GALR2: variants seen among roughly 807,000 people sequenced by gnomAD.
GALR2 encodes galanin receptor 2.
In GALR2, 5 loss-of-function variants were observed where a neutral mutation model predicts 7.2. The ratio of observed to expected loss-of-function variants is 0.69; its 90% CI spans 0.36 to 1.45. The LOEUF (loss-of-function observed/expected upper bound fraction) is 1.45, where lower values mean the gene tolerates loss of function less well. GALR2 is among the 40% of genes most tolerant of loss of function. GALR2 has a pLI of 0.03. For synonymous variants in GALR2, 300 were observed against 263.9 expected (o/e 1.14, Z -1.32); for missense variants, 561 against 555.7 (o/e 1.01, Z -0.10).
upstream of GALR2, among the ~76,000 whole-genome samples, chr17:76,074,351 G>C (rs904772786): frequency 7.9e-5 from 12 of 152,166 alleles, no homozygotes; most frequent in African/African-American, 2.9e-4. This position sits in a 1 kb window ranked among gnomAD's most constrained non-coding sequence, Gnocchi z 6.7. Context: ...TCCTCCCCCC[G>C]ATCTCCCAGG....
rs1221925705 is a variant in GALR2 at position 76,075,974 on chromosome 17, G to GACT, written c.369-661_369-659dup. On this transcript the variant is annotated intron_variant, in intron 1 of 1. Coordinates refer to ENST00000329003, the MANE Select transcript of GALR2 (RefSeq NM_003857.4). This position sits in a 1 kb window ranked among gnomAD's most constrained non-coding sequence, Gnocchi z 5.9. ...GAGACGCACATTCGGGAGAGCGCGG[G>GACT]ACTCAGGTGGAGCTTGAAAGGACAC... Among the ~76,000 whole-genome samples, 4 of 152,324 alleles carry GACT rather than the reference G, an allele frequency of 2.6e-5. No individual in the cohort carries two copies. The highest frequency in any genetic ancestry group is 9.6e-5 in the African/African-American group (4 of 41,588).
In GALR2 at chr17:76,074,869, G is replaced by T; in HGVS notation, c.-15G>T. 2 of 1,492,580 alleles carry T rather than the reference G, an allele frequency of 1.3e-6. No homozygotes were observed. The highest frequency in any genetic ancestry group is 5.0e-5 in the East Asian group (2 of 40,144). 92.5% of individuals were successfully genotyped at this position (1,492,580 alleles called of 1,614,324 possible). ...CGGCTGCAGGAGCCCGGGCAGCCTC[G>T]GGGTCAGCGGCACCATGAACGTCTC... On this transcript the variant is annotated 5_prime_UTR_variant, in exon 1 of 2. Coordinates refer to ENST00000329003, the MANE Select transcript of GALR2 (RefSeq NM_003857.4). This position sits in a 1 kb window ranked among gnomAD's most constrained non-coding sequence, Gnocchi z 6.7.
At chr17:76,074,473 C>T (rs1031628490), upstream of GALR2, among the ~76,000 whole-genome samples, 2 of 152,236 alleles carry the variant, frequency 1.3e-5, no homozygotes, top group African/African-American at 4.8e-5. This position sits in a 1 kb window ranked among gnomAD's most constrained non-coding sequence, Gnocchi z 6.7. Context: ...GTGCTCCCTG[C>T]GGCGCGGCGC....
At chr17:76,072,162 T>G, upstream of GALR2, 4 of 1,440,506 alleles carry the variant, frequency 2.8e-6, no homozygotes, top group Non-Finnish European at 3.7e-6. This position sits in a 1 kb window ranked among gnomAD's most constrained non-coding sequence, Gnocchi z 4.5. Context: ...CCCCCGGAAT[T>G]CTGAGCACCA....
chr17:76,072,613 G>T, upstream of GALR2: 2 of 1,458,316 alleles, frequency 1.4e-6, no homozygotes, highest in Non-Finnish European at 1.8e-6. The surrounding 1 kb of genome is among the most constrained non-coding windows in gnomAD (Gnocchi z 4.5). Context: ...GTCGGCCCTT[G>T]CTGCAGCAGG....
chr17:76,077,465 G>C lies in GALR2; in HGVS notation c.*34G>C, dbSNP rs2066897865. ...AGCGGGCGCGCTGGGATGTCACAGA[G>C]TTGGAGTCATTGTTGGGGGACCGTG... is the stretch of plus-strand genomic sequence containing the variant. On this transcript the variant is annotated 3_prime_UTR_variant, in exon 2 of 2. Coordinates refer to ENST00000329003, the MANE Select transcript of GALR2 (RefSeq NM_003857.4). 8 of 1,434,378 alleles carry C rather than the reference G, an allele frequency of 5.6e-6. No individual in the cohort carries two copies. Among genetic ancestry groups the C allele is most frequent in the Non-Finnish European group, 7.3e-6 (8 of 1,096,982 alleles). The allele number at this position is 1,434,378 out of a possible 1,614,324, so 88.9% of individuals were successfully genotyped here. A position where few individuals can be genotyped will look rare whatever the true frequency, so the allele number is the denominator to read the frequency against.
chr17:76,075,231 G>T lies in GALR2; in HGVS notation c.348G>T (p.Leu116=), dbSNP rs750648346. ...CCATGCACGCCAGCAGCTTCACGCT[G>T]GCCGCCGTCTCCCTGGACAGGTGAG... ...FLTMHASSFT[L]AAVSLDRYLA... Residue 116 remains leucine, a synonymous_variant, in exon 1 of 2, where the codon CTG becomes CTT. Coordinates refer to ENST00000329003, the MANE Select transcript of GALR2 (RefSeq NM_003857.4). The surrounding 1 kb of genome is among the most constrained non-coding windows in gnomAD (Gnocchi z 5.9). The T allele has an allele frequency of 3.7e-5, 60 of 1,604,596 alleles. No individual in the cohort carries two copies. Among genetic ancestry groups the T allele is most frequent in the Middle Eastern group, 3.6e-4 (2 of 5,532 alleles).
In GALR2 at chr17:76,076,551, C is replaced by T. The variant is rs551516182; in HGVS notation, c.369-85C>T. ...CGCTAAGGACCTTCCTCGAGAGCAG[C>T]CTTGGGACCGAGGTGCAGGGGTCGC... On this transcript the variant is annotated intron_variant, in intron 1 of 1. Coordinates refer to ENST00000329003, the MANE Select transcript of GALR2 (RefSeq NM_003857.4). The surrounding 1 kb of genome is among the most constrained non-coding windows in gnomAD (Gnocchi z 6.5). The T allele has an allele frequency of 1.1e-4, 97 of 860,172 alleles. No individual in the cohort carries two copies. In the African/African-American group the frequency reaches 1.6e-3, roughly 14 times the overall value. The allele number at this position is 860,172 out of a possible 1,614,324, so 53.3% of individuals were successfully genotyped here. A position where few individuals can be genotyped will look rare whatever the true frequency, so the allele number is the denominator to read the frequency against.
upstream of GALR2, chr17:76,072,770 G>T: frequency 1.8e-6 from 1 of 566,498 alleles, no homozygotes; most frequent in Non-Finnish European, 3.0e-6. This position sits in a 1 kb window ranked among gnomAD's most constrained non-coding sequence, Gnocchi z 4.5. Context: ...CACTAAGGGC[G>T]GAGAACCGGA....
rs970349635 is a variant in GALR2, at chr17:76,075,306, C to G, written c.368+55C>G. On this transcript the variant is annotated intron_variant, in intron 1 of 1. Transcript: ENST00000329003. This position sits in a 1 kb window ranked among gnomAD's most constrained non-coding sequence, Gnocchi z 5.9. ...ATGGGCATCCACGCGGGGGATGGAGCGGGAGGCGGGACTGGGGACCAAGAA... is the reference window on the plus strand; with the variant it reads ...ATGGGCATCCACGCGGGGGATGGAGGGGGAGGCGGGACTGGGGACCAAGAA... 5.2e-6 allele frequency: 8 copies of G among 1,549,700 alleles called. No homozygotes were observed. Among genetic ancestry groups the G allele is most frequent in the African/African-American group, 4.0e-5 (3 of 74,096 alleles).
upstream of GALR2, chr17:76,072,797 T>C: frequency 1.9e-6 from 1 of 535,508 alleles, no homozygotes. The surrounding 1 kb of genome is among the most constrained non-coding windows in gnomAD (Gnocchi z 4.5). Flanking sequence ...CCCCAGGTCC[T>C]GCATCCTGGA....
Position 76,076,561 on chromosome 17 carries a change from G to C in GALR2, c.369-75G>C. 1 of 943,386 alleles carries C rather than the reference G, an allele frequency of 1.1e-6. No individual in the cohort carries two copies. The highest frequency in any genetic ancestry group is 1.6e-6 in the Non-Finnish European group (1 of 627,226). The allele number at this position is 943,386 out of a possible 1,614,324, so 58.4% of individuals were successfully genotyped here. On this transcript the variant is annotated intron_variant, in intron 1 of 1. Transcript: ENST00000329003. This position sits in a 1 kb window ranked among gnomAD's most constrained non-coding sequence, Gnocchi z 6.5. ...CTTCCTCGAGAGCAGCCTTGGGACC[G>C]AGGTGCAGGGGTCGCGGCCCTCCAG...
upstream of GALR2, among the ~76,000 whole-genome samples, chr17:76,074,243 G>C (rs1265661193): frequency 6.6e-6 from 1 of 152,228 alleles, no homozygotes. The surrounding 1 kb of genome is among the most constrained non-coding windows in gnomAD (Gnocchi z 6.7). Flanking sequence ...TTGAACCCGG[G>C]AGACGGAGGT....
upstream of GALR2, chr17:76,072,667 C>A (rs1441035064): frequency 2.0e-5 from 26 of 1,308,138 alleles, no homozygotes; most frequent in Non-Finnish European, 2.1e-5. This position sits in a 1 kb window ranked among gnomAD's most constrained non-coding sequence, Gnocchi z 4.5. Context: ...TCCTGTCATC[C>A]CGGGTCCGGA....
At position 76,077,476 on chromosome 17, in the gene GALR2, T is replaced by C. The variant is rs1451657242; in HGVS notation, c.*45T>C. 2.8e-6 allele frequency: 4 copies of C among 1,409,600 alleles called. No homozygotes were observed. Among genetic ancestry groups the C allele is most frequent in the Non-Finnish European group, 2.8e-6 (3 of 1,074,884 alleles). 87.3% of individuals were successfully genotyped at this position (1,409,600 alleles called of 1,614,324 possible). A position where few individuals can be genotyped will look rare whatever the true frequency, so the allele number is the denominator to read the frequency against. On this transcript the variant is annotated 3_prime_UTR_variant, in exon 2 of 2. Transcript: ENST00000329003. ...TGGGATGTCACAGAGTTGGAGTCAT[T>C]GTTGGGGGACCGTGGGGAGAGCTTT... is the stretch of plus-strand genomic sequence containing the variant.
Position 76,074,937 on chromosome 17 carries a change from G to A in GALR2, c.54G>A (p.Gly18=). Residue 18 remains glycine (G), a synonymous_variant, in exon 1 of 2, where the codon GGG becomes GGA. Coordinates refer to ENST00000329003, the MANE Select transcript of GALR2 (RefSeq NM_003857.4). This position sits in a 1 kb window ranked among gnomAD's most constrained non-coding sequence, Gnocchi z 6.7. ...GAGNASQAGG[G]GGWHPEAVIV... is the part of the protein sequence containing the mutation. ...GGAACGCGAGCCAGGCGGGCGGCGG[G>A]GGAGGCTGGCACCCCGAGGCGGTCA... 5 of 1,563,580 alleles carry A rather than the reference G, an allele frequency of 3.2e-6. No individual in the cohort carries two copies. The highest frequency in any genetic ancestry group is 4.3e-6 in the Non-Finnish European group (5 of 1,162,276).
At chr17:76,072,579 G>C, upstream of GALR2, 1 of 1,494,748 alleles carries the variant, frequency 6.7e-7, no homozygotes, top group African/African-American at 1.5e-5. The surrounding 1 kb of genome is among the most constrained non-coding windows in gnomAD (Gnocchi z 4.5). Context: ...CCGGGCTGAT[G>C]GGATAGCGGC....
chr17:76,072,456 G>T (rs1368687022), upstream of GALR2: 1 of 1,581,660 alleles, frequency 6.3e-7, no homozygotes, highest in Non-Finnish European at 8.5e-7. This position sits in a 1 kb window ranked among gnomAD's most constrained non-coding sequence, Gnocchi z 4.5. Flanking sequence ...TGCCGCCGCC[G>T]CCGCCGCCGC....
In GALR2 at chr17:76,075,370, G is replaced by A; in HGVS notation, c.368+119G>A. Reference sequence around the variant, plus strand: ...TGGGACAGGACACTAAGAAGGCAGTGGAAGACAAGCGGGCGCGGAGGAGGA... The same window carrying A: ...TGGGACAGGACACTAAGAAGGCAGTAGAAGACAAGCGGGCGCGGAGGAGGA... On this transcript the variant is annotated intron_variant, in intron 1 of 1. Coordinates refer to ENST00000329003, the MANE Select transcript of GALR2 (RefSeq NM_003857.4). This position sits in a 1 kb window ranked among gnomAD's most constrained non-coding sequence, Gnocchi z 5.9. 1 of 1,123,428 alleles carries A rather than the reference G, an allele frequency of 8.9e-7. No homozygotes were observed. Among genetic ancestry groups the A allele is most frequent in the Non-Finnish European group, 1.3e-6 (1 of 797,052 alleles). The allele number at this position is 1,123,428 out of a possible 1,614,324, so 69.6% of individuals were successfully genotyped here. A position where few individuals can be genotyped will look rare whatever the true frequency, so the allele number is the denominator to read the frequency against.
Sources: allele counts gnomAD v4.1 joint callset (sites outside exome capture counted in the v4.1 genomes callset), GRCh38; gene constraint gnomAD v4.1.1; non-coding constraint Gnocchi (gnomAD v3.1); transcripts MANE v1.5; gene names NCBI Gene and HGNC (gene_info 2026-07-23, HGNC 2026-07-21).